XKR3: variants seen among roughly 807,000 people sequenced by gnomAD.
The protein encoded by XKR3 is XK-related protein 3.
Under a neutral mutation model 40.3 loss-of-function variants are expected in XKR3, and 27 were observed. The observed-to-expected ratio is 0.67, with a 90% CI of 0.49 to 0.92. The LOEUF (loss-of-function observed/expected upper bound fraction) is 0.92, where lower values mean the gene tolerates loss of function less well. Ranked by LOEUF, XKR3 falls within the 40% of genes least tolerant of loss-of-function variation. The pLI, the probability that XKR3 is intolerant of heterozygous loss-of-function variation, is 0.00. For missense variants in XKR3, 472 were observed against 537.6 expected (o/e 0.88, Z 1.21); for synonymous variants, 193 against 195.4 (o/e 0.99, Z 0.10).
At chr22:16,800,663 T>A (rs567439613) in intron 2 of XKR3, among the ~76,000 whole-genome samples, 2 of 152,116 alleles carry the variant, frequency 1.3e-5, no homozygotes, top group East Asian at 3.9e-4. Flanking sequence ...TATAGTGGAG[T>A]TTAACTTCAA....
At chr22:16,792,362 A>G (rs1293303653) in intron 3 of XKR3, among the ~76,000 whole-genome samples, 2 of 152,244 alleles carry the variant, frequency 1.3e-5, no homozygotes, top group Admixed American at 6.5e-5. Context: ...AGGAAAAGTG[A>G]ACACACAAAT....
rs1269510327 is a variant in XKR3 at position 16,784,349 on chromosome 22, A to C, written c.650T>G (p.Leu217Arg). Residue 217 changes from leucine (L) to arginine (R), a missense_variant, in exon 4 of 4, where the codon CTG becomes CGG. Physicochemically the swap from Leu to Arg is moderately radical, Grantham distance 102 (BLOSUM62 -2). Coordinates refer to ENST00000684488, the MANE Select transcript of XKR3 (RefSeq NM_001386955.1). ...ATCATCATTGCTGATCTGGATGGCCAGTATATTGCAGCGAATGGCCCCATA... is the reference window on the plus strand; with the variant it reads ...ATCATCATTGCTGATCTGGATGGCCCGTATATTGCAGCGAATGGCCCCATA... ...VTYGAIRCNI[L>R]AIQISNDDTT... 1 of 1,613,650 alleles carries C rather than the reference A, an allele frequency of 6.2e-7. No individual in the cohort carries two copies. Among genetic ancestry groups the C allele is most frequent in the Non-Finnish European group, 8.5e-7 (1 of 1,179,880 alleles).
intron 3 of XKR3, among the ~76,000 whole-genome samples, chr22:16,786,217 C>G (rs2060090239): frequency 6.6e-6 from 1 of 150,532 alleles, no homozygotes; most frequent in African/African-American, 2.4e-5. Flanking sequence ...CAAGATCAAC[C>G]TGGGCAACAT....
intron 1 of XKR3, among the ~76,000 whole-genome samples, chr22:16,816,822 A>T (rs144629358): frequency 2.2e-3 from 332 of 152,114 alleles, no homozygotes; most frequent in Middle Eastern, 6.8e-3. Context: ...TTATTAACTT[A>T]TCTTTCATGT....
chr22:16,786,256 G>GCGCGCACACACACACACACACACA (rs1555895915), intron 3 of XKR3, among the ~76,000 whole-genome samples: 45 of 148,706 alleles, frequency 3.0e-4, no homozygotes, highest in African/African-American at 1.1e-3. Flanking sequence ...CAAAACGCGT[G>GCGCGCACACACACACACACACACA]CACACACACA....
intron 3 of XKR3, among the ~76,000 whole-genome samples, chr22:16,799,413 CAA>C (rs528071823): frequency 0.14 from 4,402 of 32,482 alleles, 111 homozygotes; most frequent in South Asian, 0.21. Flanking sequence ...GACTATGTCT[CAA>C]AAAAAAAAAA....
At chr22:16,802,638 C>T (rs1210567590) in intron 2 of XKR3, among the ~76,000 whole-genome samples, 3 of 151,972 alleles carry the variant, frequency 2.0e-5, no homozygotes, top group Non-Finnish European at 4.4e-5. Context: ...TACAGGTGGG[C>T]GCCACCAAAC....
intron 1 of XKR3, among the ~76,000 whole-genome samples, chr22:16,817,139 C>T (rs1303164670): frequency 6.6e-6 from 1 of 151,334 alleles, no homozygotes. Context: ...TGACTTTTTA[C>T]TATATGGTTC....
At chr22:16,791,115 A>G (rs1284717791) in intron 3 of XKR3, among the ~76,000 whole-genome samples, 4 of 152,208 alleles carry the variant, frequency 2.6e-5, no homozygotes, top group Non-Finnish European at 5.9e-5. Context: ...TTATTTCAGC[A>G]TTATTCACAG....
At chr22:16,816,774 T>C in intron 1 of XKR3, among the ~76,000 whole-genome samples, 1 of 152,040 alleles carries the variant, frequency 6.6e-6, no homozygotes, top group Middle Eastern at 3.2e-3. Context: ...GTGTATCTTG[T>C]AATTTAATAT....
At chr22:16,805,439 T>G (rs2080203) in intron 2 of XKR3, among the ~76,000 whole-genome samples, 27,566 of 152,110 alleles carry the variant, frequency 0.18, 2,937 homozygotes, top group East Asian at 0.28. Context: ...TAAGTAAATG[T>G]AAATACATCA....
chr22:16,803,396 G>A (rs1237265178), intron 2 of XKR3, among the ~76,000 whole-genome samples: 3 of 152,100 alleles, frequency 2.0e-5, no homozygotes, highest in Non-Finnish European at 4.4e-5. Flanking sequence ...AACAAGAAGA[G>A]ATTTGTCAGA....
intron 3 of XKR3, among the ~76,000 whole-genome samples, chr22:16,792,519 A>G (rs1401783605): frequency 1.3e-5 from 2 of 152,230 alleles, no homozygotes; most frequent in African/African-American, 4.8e-5. Flanking sequence ...TTATTCAGCC[A>G]TCATTTGTTT....
Position 16,784,194 on chromosome 22 carries a change from A to G in XKR3, c.805T>C (p.Leu269=), listed in dbSNP as rs2060079199. The change falls in exon 4 of 4, where the codon TTA becomes CTA. Residue 269 remains leucine (L), a synonymous_variant. Transcript: ENST00000684488. ...SLKLKSLPVL[L]IIYFVSLLAP... The stretch of plus-strand genomic sequence containing the variant: ...AACAATGATACAAAATATATGATTA[A>G]CAAAACGGGTAGGCTCTTCAGTTTC... 6.2e-7 allele frequency: 1 copy of G among 1,614,242 alleles called. No homozygotes were observed. Among genetic ancestry groups the G allele is most frequent in the Non-Finnish European group, 8.5e-7 (1 of 1,180,042 alleles).
chr22:16,822,783 C>A (rs2060262130), intron 1 of XKR3, among the ~76,000 whole-genome samples: 1 of 152,166 alleles, frequency 6.6e-6, no homozygotes, highest in Admixed American at 6.5e-5. Context: ...ACTGTCACTT[C>A]TATTTTTTTC....
In XKR3 at chr22:16,799,913, A is replaced by G; in HGVS notation, c.447T>C (p.Ile149=). 2 of 1,614,108 alleles carry G rather than the reference A, an allele frequency of 1.2e-6. No individual in the cohort carries two copies. Among genetic ancestry groups the G allele is most frequent in the Non-Finnish European group, 8.5e-7 (1 of 1,180,016 alleles). ...TGAAATTATCCCGGATTGAGAATGC[A>G]ATCTCCCTTTCCAGCATCGTGTTTC... ...TKRNTMLERE[I]AFSIRDNFMQ... is the part of the protein sequence containing the mutation. The change falls in exon 3 of 4, where the codon ATT becomes ATC. Residue 149 remains isoleucine, a synonymous_variant. Transcript: ENST00000684488.
intron 1 of XKR3, among the ~76,000 whole-genome samples, chr22:16,816,692 T>G (rs937003861): frequency 6.6e-6 from 1 of 152,026 alleles, no homozygotes; most frequent in Non-Finnish European, 1.5e-5. Context: ...ACAACTTATG[T>G]GGAATAATAT....
intron 1 of XKR3, among the ~76,000 whole-genome samples, chr22:16,823,048 A>T (rs1183168026): frequency 6.6e-6 from 1 of 151,946 alleles, no homozygotes; most frequent in Non-Finnish European, 1.5e-5. Context: ...CATGTACACT[A>T]ATTTTTGTGT....
intron 1 of XKR3, among the ~76,000 whole-genome samples, chr22:16,810,969 G>C (rs1364194872): frequency 6.6e-6 from 1 of 152,126 alleles, no homozygotes; most frequent in Non-Finnish European, 1.5e-5. Flanking sequence ...TTACTTAAAA[G>C]TCACTAGTTG....
Sources: gnomAD v4.1 joint callset for allele counts (sites outside exome capture counted in the v4.1 genomes callset) on GRCh38, gnomAD v4.1.1 for gene constraint, MANE v1.5 for transcripts, NCBI Gene and HGNC (gene_info 2026-07-23, HGNC 2026-07-21) for gene names.